Variants in CALN1 observed in about 807,000 individuals in gnomAD.
CALN1 encodes the protein calcium-binding protein 8.
Under a neutral mutation model 30.6 loss-of-function variants are expected in CALN1, and 17 were observed. The observed-to-expected ratio is 0.56, with a 90% CI of 0.38 to 0.83. The LOEUF is 0.83. CALN1 is among the 40% of genes least tolerant of loss of function. The pLI is 0.00. For synonymous variants in CALN1, 156 were observed against 131.4 expected, an observed-to-expected ratio of 1.19 and a Z score of -1.28; for missense variants, 291 against 354.9, an observed-to-expected ratio of 0.82 and a Z score of 1.45.
At chr7:72,407,412 G>GT (rs753598540) in intron 1 of CALN1, among the ~76,000 whole-genome samples, 2 of 152,200 alleles carry the variant, frequency 1.3e-5, no homozygotes, top group Non-Finnish European at 2.9e-5. Flanking sequence ...GTGGGGCCTG[G>GT]TAACAGGTGA....
intron 3 of CALN1, among the ~76,000 whole-genome samples, chr7:72,254,629 GT>G (rs201675389): frequency 1.3e-5 from 2 of 152,126 alleles, no homozygotes; most frequent in African/African-American, 4.8e-5. Flanking sequence ...TCACTCCGTT[GT>G]TTTTTTATTT....
intron 5 of CALN1, among the ~76,000 whole-genome samples, chr7:71,864,577 AC>A (rs756794818): frequency 4.6e-5 from 7 of 152,306 alleles, no homozygotes; most frequent in South Asian, 4.1e-4. Context: ...TAACACCTTG[AC>A]TGCAGCCTTC....
chr7:72,369,359 T>TTGTTG (rs1554390884), intron 2 of CALN1, among the ~76,000 whole-genome samples: 10 of 146,712 alleles, frequency 6.8e-5, no homozygotes, highest in East Asian at 2.0e-4. Flanking sequence ...TATTTATTTT[T>TTGTTG]TTGTTGTTGT....
At chr7:72,473,938 A>G in the CALN1 span, among the ~76,000 whole-genome samples, 1 of 151,004 alleles carries the variant, frequency 6.6e-6, no homozygotes, top group Non-Finnish European at 1.5e-5. Flanking sequence ...AAAAAAAAAA[A>G]AAAAGAAAGA....
At chr7:72,379,208 C>T (rs1804746806) in intron 2 of CALN1, among the ~76,000 whole-genome samples, 1 of 152,130 alleles carries the variant, frequency 6.6e-6, no homozygotes, top group Admixed American at 6.5e-5. Flanking sequence ...CAGCTCACTA[C>T]AACCTCTAAC....
intron 5 of CALN1, among the ~76,000 whole-genome samples, chr7:71,887,648 G>A (rs1792993601): frequency 6.6e-6 from 1 of 152,106 alleles, no homozygotes; most frequent in Non-Finnish European, 1.5e-5. Flanking sequence ...CAAACATAGG[G>A]GGAGGGAGAT....
the CALN1 span, among the ~76,000 whole-genome samples, chr7:72,495,563 C>T: frequency 6.6e-6 from 1 of 152,210 alleles, no homozygotes; most frequent in Non-Finnish European, 1.5e-5. Context: ...TGCCACACCC[C>T]ATGAGCAAAA....
chr7:72,265,565 T>A (rs895382453), intron 3 of CALN1, among the ~76,000 whole-genome samples: 4 of 152,112 alleles, frequency 2.6e-5, no homozygotes, highest in African/African-American at 9.7e-5. Context: ...ACGATGGGGC[T>A]TAATTAGCTT....
intron 3 of CALN1, among the ~76,000 whole-genome samples, chr7:72,206,843 G>A (rs1791923502): frequency 6.6e-6 from 1 of 152,128 alleles, no homozygotes; most frequent in Admixed American, 6.6e-5. Context: ...TTTATCCTTT[G>A]ATGAGATTCA....
In CALN1 at chr7:72,423,460, A is replaced by G. The variant is rs973261322; in HGVS notation, c.-225-11185T>C. On this transcript the variant is annotated intron_variant, in intron 1 of 6. Coordinates refer to the CALN1 transcript ENST00000395276. ...CTGTCCTTAAAGCTGTCTCTCCTCC[A>G]AACAGACCTCCAGACCATCCAAGGC... 3.3e-5 allele frequency among the ~76,000 whole-genome samples: 5 copies of G among 152,310 alleles called. No homozygotes were observed. In the East Asian group the frequency reaches 9.7e-4, roughly 29 times the overall value.
chr7:72,302,049 AC>A (rs1799302998), intron 2 of CALN1, among the ~76,000 whole-genome samples: 1 of 152,194 alleles, frequency 6.6e-6, no homozygotes, highest in African/African-American at 2.4e-5. Flanking sequence ...TAAAAAAAAA[AC>A]AGTCTGAGAT....
chr7:72,478,610 G>A, the CALN1 span, among the ~76,000 whole-genome samples: 1 of 151,698 alleles, frequency 6.6e-6, no homozygotes, highest in African/African-American at 2.4e-5. Flanking sequence ...ATGAAGCCCA[G>A]AGAAGGCCCC....
At chr7:72,153,242 G>A (rs988504991) in intron 3 of CALN1, among the ~76,000 whole-genome samples, 2 of 152,124 alleles carry the variant, frequency 1.3e-5, no homozygotes, top group Non-Finnish European at 1.5e-5. Flanking sequence ...TCACACCTAC[G>A]CGTGGGCTGC....
At chr7:72,135,059 A>T (rs1809411190) in intron 3 of CALN1, among the ~76,000 whole-genome samples, 1 of 152,226 alleles carries the variant, frequency 6.6e-6, no homozygotes, top group Non-Finnish European at 1.5e-5. Flanking sequence ...TTTGATCATG[A>T]GATTGCAGAA....
At chr7:72,379,566 T>A (rs1804769885) in intron 2 of CALN1, among the ~76,000 whole-genome samples, 1 of 152,214 alleles carries the variant, frequency 6.6e-6, no homozygotes, top group Non-Finnish European at 1.5e-5. Context: ...TTTCAAGCAA[T>A]TATCAGCCAT....
chr7:71,859,470 G>A (rs935354913), intron 5 of CALN1, among the ~76,000 whole-genome samples: 8 of 152,144 alleles, frequency 5.3e-5, no homozygotes, highest in African/African-American at 1.2e-4. Context: ...GGTTGTTCCC[G>A]TCAGAGGCCT....
At chr7:72,354,048 G>T (rs187445219) in intron 2 of CALN1, among the ~76,000 whole-genome samples, 2 of 152,028 alleles carry the variant, frequency 1.3e-5, no homozygotes, top group Non-Finnish European at 2.9e-5. Flanking sequence ...TTAGCCAGGC[G>T]TGGTGGTGGG....
At chr7:72,018,480 T>C (rs1393153309) in intron 5 of CALN1, among the ~76,000 whole-genome samples, 1 of 152,104 alleles carries the variant, frequency 6.6e-6, no homozygotes, top group African/African-American at 2.4e-5. Flanking sequence ...ACACAGAAGC[T>C]TGATGAACGA....
chr7:72,380,716 G>GATAAATAC (rs1554394762), intron 2 of CALN1, among the ~76,000 whole-genome samples: 3 of 150,622 alleles, frequency 2.0e-5, no homozygotes, highest in African/African-American at 7.3e-5. Flanking sequence ...TAGATAGATA[G>GATAAATAC]ATAGATACAT....
Sources: gnomAD v4.1 joint callset for allele counts (sites outside exome capture counted in the v4.1 genomes callset) on GRCh38, gnomAD v4.1.1 for gene constraint, MANE v1.5 for transcripts, NCBI Gene and HGNC (gene_info 2026-07-23, HGNC 2026-07-21) for gene names.